Variants in PSME3 observed in about 807,000 individuals in gnomAD.
PSME3 encodes the protein proteasome activator subunit 3.
In PSME3, 7 loss-of-function variants were observed where a neutral mutation model predicts 38.3. That is an observed-to-expected ratio of 0.18 (90% CI 0.10 to 0.34). The LOEUF (loss-of-function observed/expected upper bound fraction) is 0.34, where lower values mean the gene tolerates loss of function less well. Among genes scored for constraint, PSME3 ranks in the 10% least tolerant of loss-of-function variants. PSME3 has a pLI of 1.00. For missense variants in PSME3, 192 were observed against 307.6 expected (o/e 0.62, Z 2.81); for synonymous variants, 108 against 105.7 (o/e 1.02, Z -0.13).
Position 42,833,406 on chromosome 17 carries a change from GGCGTGAGCGGCGAAAGCCGGGA to G in PSME3, c.-224_-203del. 1.7e-6 allele frequency: 1 copy of G among 600,688 alleles called. No individual in the cohort carries two copies. The highest frequency in any genetic ancestry group is 3.0e-6 in the Non-Finnish European group (1 of 337,970). The allele number at this position is 600,688 out of a possible 1,614,324, so 37.2% of individuals were successfully genotyped here. A position where few individuals can be genotyped will look rare whatever the true frequency, so the allele number is the denominator to read the frequency against. ...GGCGATTGGCTGTGACGCAGTTTCC[GGCGTGAGCGGCGAAAGCCGGGA>G]GGGCGAGCGAGAGAGCAAGCAGGCA... is the stretch of plus-strand genomic sequence containing the variant. On this transcript the variant is annotated 5_prime_UTR_variant, in exon 1 of 11. Transcript: ENST00000590720.
intron 6 of PSME3, 189 bp from the exon 7 acceptor site, chr17:42,838,542 T>G: frequency 1.5e-6 from 1 of 673,096 alleles, no homozygotes; most frequent in Non-Finnish European, 2.5e-6. Flanking sequence ...GGTCTCGAAC[T>G]CCTGACCTCA....
intron 6 of PSME3, 101 bp from the exon 7 acceptor site, chr17:42,838,630 T>C (rs747589269): frequency 7.1e-5 from 83 of 1,165,122 alleles, no homozygotes; most frequent in Non-Finnish European, 1.0e-4. Context: ...ACTAGGTATT[T>C]TGACTTCTGT....
chr17:42,834,281 G>C (rs775108407), intron 1 of PSME3, 63 bp from the exon 2 acceptor site: 1 of 1,611,664 alleles, frequency 6.2e-7, no homozygotes. Flanking sequence ...GTTGGATTGG[G>C]ATTCTCCATC....
intron 6 of PSME3, 127 bp downstream of exon 6, chr17:42,838,332 G>A: frequency 6.9e-7 from 1 of 1,447,606 alleles, no homozygotes; most frequent in Non-Finnish European, 9.1e-7. Context: ...TTTTGAGATG[G>A]GGTCTCGCTC....
Position 42,834,502 on chromosome 17 carries a change from C to T in PSME3, c.76-13C>T, listed in dbSNP as rs2055438450. 6.2e-6 allele frequency: 10 copies of T among 1,611,746 alleles called. 1 individual carries two copies. In the South Asian group the frequency reaches 7.7e-5, roughly 12 times the overall value. ...ACAGATATTAATTCAGCTGTATTTT[C>T]CCTCTTCCTTAGGCAGAAGACTTGG... On this transcript the variant is annotated splice_polypyrimidine_tract_variant and intron_variant, in intron 2 of 10. Transcript: ENST00000590720.
In PSME3 at chr17:42,834,824, T is replaced by C. The variant is rs1469358354; in HGVS notation, c.191T>C (p.Leu64Pro). 6.2e-7 allele frequency: 1 copy of C among 1,614,114 alleles called. No individual in the cohort carries two copies. Among genetic ancestry groups the C allele is most frequent in the Admixed American group, 1.7e-5 (1 of 60,018 alleles). ...ACTCAGATCCACTCTGACATGAATCTCCCAGTCCCTGACCCCATTCTTCTC... is the reference window on the plus strand; with the variant it reads ...ACTCAGATCCACTCTGACATGAATCCCCCAGTCCCTGACCCCATTCTTCTC... ...DLTQIHSDMN[L>P]PVPDPILLTN... is the part of the protein sequence containing the mutation. Residue 64 changes from leucine (L) to proline (P), a missense_variant, in exon 4 of 11, where the codon CTC becomes CCC. Leu to Pro is a moderately conservative substitution (Grantham distance 98). Coordinates refer to ENST00000590720, the MANE Select transcript of PSME3 (RefSeq NM_005789.4).
intron 10 of PSME3, among the ~76,000 whole-genome samples, chr17:42,840,919 G>A (rs1485717736): frequency 6.6e-6 from 1 of 151,994 alleles, no homozygotes; most frequent in Non-Finnish European, 1.5e-5. Flanking sequence ...GGATCACGAG[G>A]TCAGGAGATC....
In PSME3 at chr17:42,842,477, T is replaced by G. The variant is rs1474747290; in HGVS notation, c.*899T>G. 1 of 152,840 alleles carries G rather than the reference T, an allele frequency of 6.5e-6. No homozygotes were observed. Among genetic ancestry groups the G allele is most frequent in the African/African-American group, 2.4e-5 (1 of 41,442 alleles). The allele number at this position is 152,840 out of a possible 1,614,324, so 9.5% of individuals were successfully genotyped here. On this transcript the variant is annotated 3_prime_UTR_variant, in exon 11 of 11. Coordinates refer to ENST00000590720, the MANE Select transcript of PSME3 (RefSeq NM_005789.4). ...CTGTTCCTCTCTGACTCAGCCCTTT[T>G]TGGCATTATTGCAAGAGCTTGACTC...
intron 4 of PSME3, 91 bp from the exon 5 acceptor site, chr17:42,837,558 T>C: frequency 8.0e-7 from 1 of 1,254,994 alleles, no homozygotes; most frequent in Non-Finnish European, 1.2e-6. Flanking sequence ...GCTATGAGGC[T>C]GAGGAAGGGA....
At position 42,841,920 on chromosome 17, in the gene PSME3, C is replaced by T. The variant is rs2055539116; in HGVS notation, c.*342C>T. 5.6e-6 allele frequency: 1 copy of T among 177,742 alleles called. No homozygotes were observed. Among genetic ancestry groups the T allele is most frequent in the Non-Finnish European group, 1.2e-5 (1 of 84,864 alleles). 11.0% of individuals were successfully genotyped at this position (177,742 alleles called of 1,614,324 possible). On this transcript the variant is annotated 3_prime_UTR_variant, in exon 11 of 11. Coordinates refer to ENST00000590720, the MANE Select transcript of PSME3 (RefSeq NM_005789.4). ...TGTGTCTTGCGCTTTATGTTTTCTT[C>T]CGTTTGATAATTAGTTGGTTAAAAG...
In PSME3 at chr17:42,838,860, C is replaced by T. The variant is rs945092455; in HGVS notation, c.474+61C>T. On this transcript the variant is annotated intron_variant, in intron 7 of 10. Coordinates refer to ENST00000590720, the MANE Select transcript of PSME3 (RefSeq NM_005789.4). ...TTGGGAGATACTCTCATCTCCCCTGCGTTACCTTTTTTTCCTTTTTCTTTG... is the reference window on the plus strand; with the variant it reads ...TTGGGAGATACTCTCATCTCCCCTGTGTTACCTTTTTTTCCTTTTTCTTTG... 11 of 1,580,726 alleles carry T rather than the reference C, an allele frequency of 7.0e-6. No individual in the cohort carries two copies. In the African/African-American group the frequency reaches 9.5e-5, roughly 14 times the overall value.
chr17:42,833,599 T>G lies in PSME3; in HGVS notation c.-33T>G, dbSNP rs781593605. 34 of 1,613,706 alleles carry G rather than the reference T, an allele frequency of 2.1e-5. No individual in the cohort carries two copies. Among genetic ancestry groups the G allele is most frequent in the Non-Finnish European group, 2.4e-5 (28 of 1,179,790 alleles). On this transcript the variant is annotated 5_prime_UTR_variant, in exon 1 of 11. Transcript: ENST00000590720. ...TCCCTGGAGTCCACAGCGCCTCCGG[T>G]GTCCAGAGGATCGGACACGGCCCGG...
chr17:42,834,672 T>G (rs1028854816), intron 3 of PSME3, 95 bp downstream of exon 3: 4 of 1,598,930 alleles, frequency 2.5e-6, no homozygotes, highest in Non-Finnish European at 3.4e-6. Context: ...TTCTTTTTAT[T>G]TTTTTAAACT....
At position 42,833,670 on chromosome 17, in the gene PSME3, C is replaced by A; in HGVS notation, c.39C>A (p.Leu13=). The change falls in exon 1 of 11, where the codon CTC becomes CTA. Residue 13 remains leucine (L), a synonymous_variant. Transcript: ENST00000590720. ...SLLKVDQEVK[L]KVDSFRERIT... ...TGAAGGTGGATCAGGAAGTGAAGCTCAAGGTAGCGGCACCGGTCCGGCCTT... is the reference window on the plus strand; with the variant it reads ...TGAAGGTGGATCAGGAAGTGAAGCTAAAGGTAGCGGCACCGGTCCGGCCTT... 6.2e-7 allele frequency: 1 copy of A among 1,614,216 alleles called. No individual in the cohort carries two copies. The highest frequency in any genetic ancestry group is 1.1e-5 in the South Asian group (1 of 91,084).
intron 8 of PSME3, 39 bp from the exon 9 acceptor site, chr17:42,839,073 G>A (rs1305303848): frequency 1.3e-6 from 2 of 1,594,138 alleles, no homozygotes; most frequent in Non-Finnish European, 1.7e-6. Flanking sequence ...GCACCATCAA[G>A]GGTCTCCTGC....
chr17:42,841,380 A>G (rs1002255370), intron 10 of PSME3, 118 bp from the exon 11 acceptor site: 1 of 463,998 alleles, frequency 2.2e-6, no homozygotes, highest in Non-Finnish European at 3.7e-6. Flanking sequence ...CCTATTGATG[A>G]CATTAAGGAC....
At chr17:42,833,918 G>A in intron 1 of PSME3, 1 of 1,447,472 alleles carries the variant, frequency 6.9e-7, no homozygotes, top group South Asian at 1.5e-5. Flanking sequence ...TTGGACTCAG[G>A]GCTTTAGGCC....
chr17:42,839,115 T>C lies in PSME3; in HGVS notation c.546T>C (p.Tyr182=), dbSNP rs376784465. Residue 182 remains tyrosine, a synonymous_variant, in exon 9 of 11, where the codon TAT becomes TAC. Coordinates refer to ENST00000590720, the MANE Select transcript of PSME3 (RefSeq NM_005789.4). ...AASYLDQISR[Y]YITRAKLVSK... is the part of the protein sequence containing the mutation. Reference sequence around the variant, plus strand: ...CTCCTCTTCTCTCTCTTTCCAGATATTATATTACAAGAGCCAAATTGGTTT... The same window carrying C: ...CTCCTCTTCTCTCTCTTTCCAGATACTATATTACAAGAGCCAAATTGGTTT... The C allele has an allele frequency of 8.8e-6, 14 of 1,590,640 alleles. No homozygotes were observed. Among genetic ancestry groups the C allele is most frequent in the African/African-American group, 6.7e-5 (5 of 74,288 alleles).
intron 5 of PSME3, 184 bp downstream of exon 5, chr17:42,837,881 CAG>C (rs1451081399): frequency 3.4e-6 from 3 of 872,502 alleles, no homozygotes; most frequent in African/African-American, 1.7e-5. Flanking sequence ...TTCCAATAAA[CAG>C]AGGATTTAAG....
Sources: gnomAD v4.1 joint callset for allele counts (sites outside exome capture counted in the v4.1 genomes callset) on GRCh38, gnomAD v4.1.1 for gene constraint, MANE v1.5 for transcripts, NCBI Gene and HGNC (gene_info 2026-07-23, HGNC 2026-07-21) for gene names.